The following SPTBN1 variants were observed in gnomAD, a reference collection of about 807,000 sequenced individuals.
The protein encoded by SPTBN1 is spectrin beta chain, non-erythrocytic 1.
A neutral mutation model predicts 266.4 loss-of-function variants in SPTBN1; 32 were observed. The ratio of observed to expected loss-of-function variants is 0.12; its 90% CI spans 0.09 to 0.16. SPTBN1 has a LOEUF of 0.16. Ranked by LOEUF, SPTBN1 falls within the 10% of genes least tolerant of loss-of-function variation. The probability of loss-of-function intolerance (pLI) is 1.00; values close to 1 mark genes in which losing one functional copy is unlikely to be tolerated. For synonymous variants in SPTBN1, 1,336 were observed against 1,162.2 expected, an observed-to-expected ratio of 1.15 and a Z score of -3.04; for missense variants, 2,296 against 3,067.1, an observed-to-expected ratio of 0.75 and a Z score of 5.94.
chr2:54,628,217 G>C lies in SPTBN1; in HGVS notation c.1765G>C (p.Ala589Pro), dbSNP rs1363327067. Reference sequence around the variant, plus strand: ...GGCAGAGCGGGTGAGAGGTGTCAATGCCTCCGCCCAGAAGTTCGCAACAGA... The same window carrying C: ...GGCAGAGCGGGTGAGAGGTGTCAATCCCTCCGCCCAGAAGTTCGCAACAGA... ...IQAERVRGVN[A>P]SAQKFATDGE... The change falls in exon 13 of 36, where the codon GCC (alanine) becomes CCC (proline). Residue 589 changes from alanine (A) to proline (P), a missense_variant. Physicochemically the swap from Ala to Pro is conservative, Grantham distance 27. Transcript: ENST00000356805. The surrounding 1 kb of genome is among the most constrained non-coding windows in gnomAD (Gnocchi z 4.3). 1 of 1,613,824 alleles carries C rather than the reference G, an allele frequency of 6.2e-7. No homozygotes were observed. Among genetic ancestry groups the C allele is most frequent in the Admixed American group, 1.7e-5 (1 of 59,994 alleles).
chr2:54,490,881 G>C (rs933120745), intron 1 of SPTBN1, among the ~76,000 whole-genome samples: 11 of 152,170 alleles, frequency 7.2e-5, no homozygotes, highest in African/African-American at 2.7e-4. Flanking sequence ...GACCTCTTCT[G>C]CTGTGGCTGG....
At chr2:54,518,465 A>C (rs542518075) in intron 1 of SPTBN1, among the ~76,000 whole-genome samples, 63 of 151,748 alleles carry the variant, frequency 4.2e-4, no homozygotes, top group Non-Finnish European at 7.7e-4. Flanking sequence ...AAAAAAAAAA[A>C]AAAAGAAACA....
chr2:54,652,258 C>T (rs1680349502), intron 26 of SPTBN1, among the ~76,000 whole-genome samples: 1 of 152,102 alleles, frequency 6.6e-6, no homozygotes, highest in Non-Finnish European at 1.5e-5. Context: ...AAATTAGCTG[C>T]AGTTATTAGC....
intron 3 of SPTBN1, among the ~76,000 whole-genome samples, chr2:54,610,752 G>A (rs1573524594): frequency 6.6e-6 from 1 of 152,150 alleles, no homozygotes; most frequent in East Asian, 1.9e-4. Context: ...TCCTTTTCTT[G>A]TAATGTCATG....
At chr2:54,571,596 C>G (rs370166274) in intron 2 of SPTBN1, among the ~76,000 whole-genome samples, 1 of 137,280 alleles carries the variant, frequency 7.3e-6, no homozygotes, top group South Asian at 2.2e-4. Context: ...CACACACACA[C>G]ACACATATCT....
chr2:54,475,829 C>A (rs748603055), intron 1 of SPTBN1, among the ~76,000 whole-genome samples: 2 of 152,236 alleles, frequency 1.3e-5, no homozygotes, highest in East Asian at 3.9e-4. Flanking sequence ...TTTCTTGTGT[C>A]AAAGGCCTCA....
rs577620646 is a variant in SPTBN1, at chr2:54,634,730, A to T, written c.3767+1962A>T. On this transcript the variant is annotated intron_variant, in intron 17 of 35. Transcript: ENST00000356805. ...AACATCCTGACACTGTGGTGAAGCG[A>T]TTCTCCTAGAATGTAAAGTCATTAT... 5.3e-5 allele frequency among the ~76,000 whole-genome samples: 8 copies of T among 152,326 alleles called. No homozygotes were observed. In the South Asian group the frequency reaches 1.7e-3, roughly 32 times the overall value.
chr2:54,519,158 A>G (rs983265557), intron 1 of SPTBN1, among the ~76,000 whole-genome samples: 2 of 152,166 alleles, frequency 1.3e-5, no homozygotes, highest in African/African-American at 4.8e-5. Context: ...CTCACCTCCC[A>G]GTCCTCCCTC....
intron 32 of SPTBN1, chr2:54,663,448 T>C (rs1681181928): frequency 6.6e-6 from 1 of 152,202 alleles, no homozygotes; most frequent in Non-Finnish European, 1.5e-5. Flanking sequence ...GGTACACAGT[T>C]GATGGTACAC....
intron 2 of SPTBN1, among the ~76,000 whole-genome samples, chr2:54,595,920 C>T (rs1676051367): frequency 6.6e-6 from 1 of 152,148 alleles, no homozygotes; most frequent in African/African-American, 2.4e-5. Flanking sequence ...GCTAAATGTG[C>T]CGAGGAATCA....
rs758541003 is a variant in SPTBN1 at position 54,629,302 on chromosome 2, G to A, written c.2168G>A (p.Arg723Gln). 8 of 1,613,918 alleles carry A rather than the reference G, an allele frequency of 5.0e-6. No individual in the cohort carries two copies. The highest frequency in any genetic ancestry group is 2.2e-5 in the East Asian group (1 of 44,898). Residue 723 changes from arginine (R) to glutamine (Q), a missense_variant, in exon 14 of 36, where the codon CGG (arginine) becomes CAG (glutamine). This residue lies in a region of SPTBN1 where 434 missense variants were observed against 573.9 expected (regional missense o/e 0.76). Transcript: ENST00000356805. The part of the protein sequence containing the change: ...EKIRERIIYI[R>Q]EQWANLEQLS... ...ATCCGTGAGAGGATCATTTACATCC[G>A]GGAGCAGTGGGCCAACCTAGAGCAG...
intron 2 of SPTBN1, among the ~76,000 whole-genome samples, chr2:54,547,054 A>G (rs1007870238): frequency 1.3e-5 from 2 of 151,958 alleles, no homozygotes; most frequent in African/African-American, 4.8e-5. Flanking sequence ...ATTGTTGTGC[A>G]GTCAGATCTC....
chr2:54,661,744 A>G lies in SPTBN1; in HGVS notation c.6420+1745A>G, dbSNP rs1463001199. ...ATATATGTGATGTTTTCATATATAT[A>G]TGTGTGTGTGTTTAAATTTTGTATC... On this transcript the variant is annotated intron_variant, in intron 32 of 35. Coordinates refer to ENST00000356805, the MANE Select transcript of SPTBN1 (RefSeq NM_003128.3). 12 of 985,368 alleles carry G rather than the reference A, an allele frequency of 1.2e-5. No individual in the cohort carries two copies. The Admixed American group carries it at 2.5e-4, about 20-fold the overall frequency. 61.0% of individuals were successfully genotyped at this position (985,368 alleles called of 1,614,324 possible).
rs778135869 is a variant in SPTBN1, at chr2:54,526,529, G to C, written c.111G>C (p.Ala37=). The part of the protein sequence containing the change: ...VDDWDNENSS[A]RLFERSRIKA... ...ACTGGGACAATGAGAACAGCTCTGC[G>C]CGGCTTTTTGAGCGGTCCCGCATCA... The change falls in exon 2 of 36, where the codon GCG becomes GCC. Residue 37 remains alanine, a synonymous_variant. Coordinates refer to ENST00000356805, the MANE Select transcript of SPTBN1 (RefSeq NM_003128.3). The C allele has an allele frequency of 5.0e-6, 8 of 1,613,968 alleles. No homozygotes were observed. The African/African-American group carries it at 9.3e-5, about 19-fold the overall frequency.
chr2:54,641,407 G>A (rs149364666), intron 18 of SPTBN1, among the ~76,000 whole-genome samples: 1,807 of 152,306 alleles, frequency 0.012, 7 homozygotes, highest in Non-Finnish European at 0.018. Flanking sequence ...TTGTGTGTAT[G>A]TACAGAATAC....
chr2:54,609,888 T>C (rs1029509046), intron 3 of SPTBN1, among the ~76,000 whole-genome samples: 12 of 152,126 alleles, frequency 7.9e-5, no homozygotes, highest in Non-Finnish European at 1.8e-4. Context: ...CCTTCAAGGC[T>C]CAAAGGTTAG....
At chr2:54,522,668 GAGAGAGAGAGGA>G in intron 1 of SPTBN1, among the ~76,000 whole-genome samples, 1 of 99,016 alleles carries the variant, frequency 1.0e-5, no homozygotes, top group Non-Finnish European at 2.2e-5. Flanking sequence ...AAGAGAGAGA[GAGAGAGAGAGGA>G]GAGAGAGAGA....
In SPTBN1 at chr2:54,668,638, C is replaced by G; in HGVS notation, c.*69C>G. On this transcript the variant is annotated 3_prime_UTR_variant, in exon 36 of 36. Transcript: ENST00000356805. ...AAATTCCAGCATGCAAGCTCAGAAC[C>G]AACACATTACTCTCTGTGCCTAATG... 1 of 1,420,988 alleles carries G rather than the reference C, an allele frequency of 7.0e-7. No individual in the cohort carries two copies. Among genetic ancestry groups the G allele is most frequent in the Non-Finnish European group, 9.7e-7 (1 of 1,032,170 alleles). 88.0% of individuals were successfully genotyped at this position (1,420,988 alleles called of 1,614,324 possible). A position where few individuals can be genotyped will look rare whatever the true frequency, so the allele number is the denominator to read the frequency against.
chr2:54,654,067 A>T (rs958399599), intron 27 of SPTBN1, among the ~76,000 whole-genome samples: 1 of 152,150 alleles, frequency 6.6e-6, no homozygotes, highest in African/African-American at 2.4e-5. Context: ...GCCTGGGGTT[A>T]TCAAAGCCTG....
Sources: allele counts gnomAD v4.1 joint callset (sites outside exome capture counted in the v4.1 genomes callset), GRCh38; gene constraint gnomAD v4.1.1; regional missense constraint gnomAD v4.1.1; non-coding constraint Gnocchi (gnomAD v3.1); transcripts MANE v1.5; gene names NCBI Gene and HGNC (gene_info 2026-07-23, HGNC 2026-07-21).